The following BABAM2 variants were observed in gnomAD, a reference collection of about 807,000 sequenced individuals.
BABAM2 encodes the protein BRISC and BRCA1 A complex member 2.
A neutral mutation model predicts 54.7 loss-of-function variants in BABAM2; 31 were observed. The observed-to-expected ratio is 0.57, with a 90% CI of 0.43 to 0.77. BABAM2 has a LOEUF of 0.77. Ranked by LOEUF, BABAM2 falls within the 30% of genes least tolerant of loss-of-function variation. The pLI, the probability that BABAM2 is intolerant of heterozygous loss-of-function variation, is 0.00. For synonymous variants in BABAM2, 167 were observed against 162.9 expected (o/e 1.03, Z -0.19); for missense variants, 364 against 455.8 (o/e 0.80, Z 1.83).
chr2:28,083,043 A>G (rs2148676201), intron 6 of BABAM2, among the ~76,000 whole-genome samples: 1 of 152,306 alleles, frequency 6.6e-6, no homozygotes, highest in African/African-American at 2.4e-5. Flanking sequence ...TCTGGCACGT[A>G]AAATGATGAT....
At chr2:28,065,604 G>A (rs896338853) in intron 6 of BABAM2, among the ~76,000 whole-genome samples, 5 of 152,184 alleles carry the variant, frequency 3.3e-5, no homozygotes, top group East Asian at 1.9e-4. Context: ...GTAGTAATTC[G>A]CTAAGCTATA....
intron 3 of BABAM2, among the ~76,000 whole-genome samples, chr2:27,970,388 A>G (rs373801540): frequency 6.6e-6 from 1 of 152,096 alleles, no homozygotes; most frequent in Admixed American, 6.6e-5. Context: ...GCATCTGTCA[A>G]CCCTTTATTT....
chr2:27,992,581 T>G (rs1395528995), intron 4 of BABAM2, among the ~76,000 whole-genome samples: 1 of 152,186 alleles, frequency 6.6e-6, no homozygotes, highest in East Asian at 1.9e-4. Context: ...CAATATGTGA[T>G]GTGAGAAGAG....
At chr2:28,254,902 T>C (rs1212369018) in intron 10 of BABAM2, among the ~76,000 whole-genome samples, 1 of 151,530 alleles carries the variant, frequency 6.6e-6, no homozygotes, top group African/African-American at 2.4e-5. Context: ...CCAGCTAATT[T>C]TTTAAAAATT....
rs1573353532 is a variant in BABAM2, at chr2:27,995,884, A to G, written c.300+7797A>G. Among the ~76,000 whole-genome samples, 1 of 152,108 alleles carries G rather than the reference A, an allele frequency of 6.6e-6. No homozygotes were observed. The highest frequency in any genetic ancestry group is 2.1e-4 in the South Asian group (1 of 4,828). On this transcript the variant is annotated intron_variant, in intron 4 of 11. Transcript: ENST00000379624. This position sits in a 1 kb window ranked among gnomAD's most constrained non-coding sequence, Gnocchi z 4.1. ...CGTGAGCCACTGCACCTGGCCCCTC[A>G]TGAGTTCTTAATTTTAGAGAATATG...
chr2:27,942,483 C>G (rs575478671), intron 3 of BABAM2, among the ~76,000 whole-genome samples: 2 of 152,094 alleles, frequency 1.3e-5, no homozygotes, highest in Admixed American at 1.3e-4. Flanking sequence ...ACCTCAGCCT[C>G]CCAGATATCT....
intron 6 of BABAM2, among the ~76,000 whole-genome samples, chr2:28,122,505 A>G (rs1421727169): frequency 6.6e-6 from 1 of 152,202 alleles, no homozygotes; most frequent in Non-Finnish European, 1.5e-5. Context: ...TTTTGCTAGT[A>G]ACAGTTATAA....
At chr2:27,985,057 ATGTGTGTGTGTG>A (rs35552031) in intron 3 of BABAM2, among the ~76,000 whole-genome samples, 80 of 137,506 alleles carry the variant, frequency 5.8e-4, no homozygotes, top group Non-Finnish European at 1.0e-3. Context: ...GTATTCCATG[ATGTGTGTGTGTG>A]TGTGTGTGTG....
At chr2:28,157,366 G>A (rs942983235) in intron 7 of BABAM2, among the ~76,000 whole-genome samples, 2 of 152,130 alleles carry the variant, frequency 1.3e-5, no homozygotes, top group African/African-American at 4.8e-5. Flanking sequence ...TTTTTAAAAT[G>A]CAGTCAGCCA....
In BABAM2 at chr2:28,052,628, G is replaced by A. The variant is rs546539387; in HGVS notation, c.570+6829G>A. ...GTTTCTTAAGAAGTTGTTTTAATTC[G>A]TGATATGCTTAAATATGATCATTAT... On this transcript the variant is annotated intron_variant, in intron 6 of 11. Coordinates refer to ENST00000379624, the MANE Select transcript of BABAM2 (RefSeq NM_199191.3). 9.2e-5 allele frequency among the ~76,000 whole-genome samples: 14 copies of A among 152,172 alleles called. No homozygotes were observed. The South Asian group carries it at 2.9e-3, about 32-fold the overall frequency.
At chr2:27,991,212 A>C (rs1363239245) in intron 4 of BABAM2, among the ~76,000 whole-genome samples, 2 of 152,158 alleles carry the variant, frequency 1.3e-5, no homozygotes, top group Non-Finnish European at 2.9e-5. Context: ...GAACTTATTA[A>C]ATTCTCTGGG....
chr2:27,960,780 C>T (rs150009778), intron 3 of BABAM2, among the ~76,000 whole-genome samples: 1 of 152,268 alleles, frequency 6.6e-6, no homozygotes, highest in Non-Finnish European at 1.5e-5. Context: ...AAGTCCAGGA[C>T]TTCTGAGTCC....
chr2:28,045,516 C>T (rs994116354), intron 5 of BABAM2, among the ~76,000 whole-genome samples: 6 of 152,124 alleles, frequency 3.9e-5, no homozygotes, highest in African/African-American at 7.2e-5. Context: ...ATTTTAAAAA[C>T]TCAAATTGTG....
chr2:28,135,157 A>G (rs1307829665), intron 7 of BABAM2, among the ~76,000 whole-genome samples: 2 of 152,188 alleles, frequency 1.3e-5, no homozygotes, highest in Non-Finnish European at 2.9e-5. Context: ...GGGAGATCAC[A>G]TTTCCATTTG....
intron 7 of BABAM2, among the ~76,000 whole-genome samples, chr2:28,171,257 A>G (rs953507048): frequency 3.3e-5 from 5 of 152,200 alleles, no homozygotes; most frequent in African/African-American, 2.4e-5. Flanking sequence ...ATATCTTTGT[A>G]CATACATTGA....
chr2:28,241,432 C>T, intron 9 of BABAM2, 39 bp downstream of exon 9: 1 of 1,583,812 alleles, frequency 6.3e-7, no homozygotes. Flanking sequence ...CCGGTGATGC[C>T]CTCGCTTGCT....
chr2:28,021,951 G>A (rs2148556168), intron 4 of BABAM2, among the ~76,000 whole-genome samples: 1 of 152,216 alleles, frequency 6.6e-6, no homozygotes, highest in Non-Finnish European at 1.5e-5. Flanking sequence ...TGGCACTGTG[G>A]CCAAAAAACT....
At chr2:28,233,634 A>G (rs563871263) in intron 7 of BABAM2, among the ~76,000 whole-genome samples, 6 of 152,330 alleles carry the variant, frequency 3.9e-5, no homozygotes, top group African/African-American at 1.4e-4. Flanking sequence ...CTTACAAGCT[A>G]AGAAACTACT....
At chr2:28,071,219 TG>T (rs1177785174) in intron 6 of BABAM2, among the ~76,000 whole-genome samples, 1 of 152,118 alleles carries the variant, frequency 6.6e-6, no homozygotes, top group Non-Finnish European at 1.5e-5. Context: ...TCTTACCCAT[TG>T]TTTTAAATTC....
Sources: gnomAD v4.1 joint callset for allele counts (sites outside exome capture counted in the v4.1 genomes callset) on GRCh38, gnomAD v4.1.1 for gene constraint, Gnocchi (gnomAD v3.1) non-coding constraint, MANE v1.5 for transcripts, NCBI Gene and HGNC (gene_info 2026-07-23, HGNC 2026-07-21) for gene names.